The following PPP2R3B variants were observed in gnomAD, a reference collection of about 807,000 sequenced individuals.
PPP2R3B encodes the protein protein phosphatase 2 regulatory subunit B''beta, also known as serine/threonine-protein phosphatase 2A regulatory subunit B'' subunit beta.
A neutral mutation model predicts 72.9 loss-of-function variants in PPP2R3B; 68 were observed. The observed-to-expected ratio is 0.93, with a 90% CI of 0.77 to 1.14. PPP2R3B has a LOEUF of 1.14. Ranked by LOEUF, PPP2R3B falls within the 50% of genes most tolerant of loss-of-function variation. The pLI, the probability that PPP2R3B is intolerant of heterozygous loss-of-function variation, is 0.00. For synonymous variants in PPP2R3B, 466 were observed against 375.8 expected (o/e 1.24, Z -2.78); for missense variants, 1,018 against 842.0 (o/e 1.21, Z -2.59).
chrX:346,823 CG>C lies in PPP2R3B; in HGVS notation c.718-49del, dbSNP rs1569387468. The C allele has an allele frequency of 3.9e-6, 6 of 1,555,518 alleles. 1 individual carries two copies. The South Asian group carries it at 6.8e-5, about 18-fold the overall frequency. ...CGCGTGGTGTAGACGCCGGCCCTCCCGTGAGGTGTGCGGTGTGGACGCTGCA... is the reference window on the plus strand; with the variant it reads ...CGCGTGGTGTAGACGCCGGCCCTCCCTGAGGTGTGCGGTGTGGACGCTGCA... On this transcript the variant is annotated intron_variant, in intron 4 of 12. Transcript: ENST00000390665.
chrX:361,157 C>T (rs1382873871), intron 2 of PPP2R3B, among the ~76,000 whole-genome samples: 5 of 152,228 alleles, frequency 3.3e-5, no homozygotes, highest in African/African-American at 9.6e-5. Flanking sequence ...AGAATGCAGA[C>T]GGAATTCCCA....
chrX:371,146 G>A (rs1394971770), intron 1 of PPP2R3B, among the ~76,000 whole-genome samples: 4 of 152,070 alleles, frequency 2.6e-5, no homozygotes, highest in Non-Finnish European at 2.9e-5. Flanking sequence ...GGCAGGAGGC[G>A]CAGGCAGTGG....
chrX:370,507 C>T (rs943335951), intron 1 of PPP2R3B, among the ~76,000 whole-genome samples: 3 of 152,180 alleles, frequency 2.0e-5, no homozygotes, highest in African/African-American at 7.2e-5. Context: ...CGGTGGATGC[C>T]GCGCAACACA....
At chrX:386,179 G>A (rs1354275490) in intron 1 of PPP2R3B, among the ~76,000 whole-genome samples, 189 bp downstream of exon 1, 2 of 151,742 alleles carry the variant, frequency 1.3e-5, no homozygotes, top group Non-Finnish European at 2.9e-5. Context: ...TGTCAATGAC[G>A]GAATGTTCAG....
intron 6 of PPP2R3B, 119 bp from the exon 7 acceptor site, chrX:345,791 G>A: frequency 1.1e-5 from 5 of 450,568 alleles, no homozygotes; most frequent in South Asian, 1.8e-5. Flanking sequence ...GGGTGGGGGG[G>A]ACTGGGCAGC....
chrX:341,457 GGA>G, intron 8 of PPP2R3B, 61 bp from the exon 9 acceptor site: 2 of 1,567,840 alleles, frequency 1.3e-6, no homozygotes, highest in Non-Finnish European at 1.8e-6. Context: ...TCACAGGAAC[GGA>G]GCCCCTGTCC....
chrX:386,263 T>G, intron 1 of PPP2R3B, 105 bp downstream of exon 1: 5 of 963,284 alleles, frequency 5.2e-6, no homozygotes, highest in African/African-American at 1.7e-5. Context: ...TATGAAACCG[T>G]TTTGGGGTCT....
At chrX:376,337 C>T (rs1253251100) in intron 1 of PPP2R3B, among the ~76,000 whole-genome samples, 89 of 152,318 alleles carry the variant, frequency 5.8e-4, no homozygotes, top group African/African-American at 1.8e-3. Context: ...CCCTTGCGTC[C>T]TGTCCCGATG....
intron 1 of PPP2R3B, among the ~76,000 whole-genome samples, chrX:380,641 C>G (rs1333100247): frequency 2.0e-5 from 3 of 151,860 alleles, no homozygotes; most frequent in African/African-American, 7.3e-5. Flanking sequence ...CAAAACTAGC[C>G]GGGCGTGGTG....
chrX:378,260 T>A (rs56892247), intron 1 of PPP2R3B, among the ~76,000 whole-genome samples: 33,575 of 152,140 alleles, frequency 0.22, 4,164 homozygotes, highest in Non-Finnish European at 0.28. Context: ...AATCTTACCA[T>A]CAACCTCTAA....
At chrX:338,741 C>A (rs763717195) in intron 11 of PPP2R3B, 31 bp from the exon 12 acceptor site, 3 of 1,611,728 alleles carry the variant, frequency 1.9e-6, no homozygotes, top group Non-Finnish European at 2.5e-6. Context: ...ACGTACACGG[C>A]GTGGCGCGGC....
At position 334,611 on chromosome X, in the gene PPP2R3B, C is replaced by T. The variant is rs753881200; in HGVS notation, c.1578-94G>A. ...CACAGGCTGCTCGGCCGCCAACCTC[C>T]AGCACGAGACAGTCCCCTGAGCCGA... On this transcript the variant is annotated intron_variant, in intron 12 of 12. Coordinates refer to ENST00000390665, the MANE Select transcript of PPP2R3B (RefSeq NM_013239.5). The T allele has an allele frequency of 8.4e-6, 11 of 1,313,078 alleles. No individual in the cohort carries two copies. In the African/African-American group the frequency reaches 1.1e-4, roughly 13 times the overall value. The allele number at this position is 1,313,078 out of a possible 1,614,324, so 81.3% of individuals were successfully genotyped here. A position where few individuals can be genotyped will look rare whatever the true frequency, so the allele number is the denominator to read the frequency against.
At chrX:340,433 C>A in intron 10 of PPP2R3B, among the ~76,000 whole-genome samples, 1 of 151,264 alleles carries the variant, frequency 6.6e-6, no homozygotes, top group Non-Finnish European at 1.5e-5. Flanking sequence ...CAGGGACGTC[C>A]CCTCACCCTG....
In PPP2R3B at chrX:363,631, CACCATCCCACAGTCATCTCCCT is replaced by C. The variant is rs1569404207; in HGVS notation, c.325-2063_325-2042del. Among the ~76,000 whole-genome samples the C allele has an allele frequency of 1.0e-3, 99 of 96,324 alleles. 2 individuals carry two copies. The highest frequency in any genetic ancestry group is 1.9e-3 in the South Asian group (6 of 3,090). The allele number at this position is 96,324 out of a possible 152,430, so 63.2% of individuals were successfully genotyped here. A position where few individuals can be genotyped will look rare whatever the true frequency, so the allele number is the denominator to read the frequency against. ...ATCCCACAATGCATCTCCCCGAGCC[CACCATCCCACAGTCATCTCCCT>C]GTGCCCACCATCCCACAATGCATCT... On this transcript the variant is annotated intron_variant, in intron 1 of 12. Coordinates refer to ENST00000390665, the MANE Select transcript of PPP2R3B (RefSeq NM_013239.5).
intron 1 of PPP2R3B, among the ~76,000 whole-genome samples, chrX:366,941 T>A (rs1332881133): frequency 2.0e-5 from 3 of 151,596 alleles, no homozygotes; most frequent in African/African-American, 7.3e-5. Flanking sequence ...GGCAGGAGAA[T>A]CGCTTAAACC....
At chrX:347,504 C>A (rs1400604198) in intron 3 of PPP2R3B, 86 bp downstream of exon 3, 39 of 1,448,718 alleles carry the variant, frequency 2.7e-5, no homozygotes, top group Middle Eastern at 2.4e-4. Flanking sequence ...CTGCGGCAGC[C>A]TCAGGGGGCA....
intron 5 of PPP2R3B, 63 bp downstream of exon 5, chrX:346,638 C>A: frequency 1.4e-6 from 2 of 1,475,722 alleles, no homozygotes; most frequent in Admixed American, 1.9e-5. Flanking sequence ...AGCCCCGCGG[C>A]GGCCGCTGCA....
At chrX:380,938 CTTT>C (rs774073061) in intron 1 of PPP2R3B, among the ~76,000 whole-genome samples, 2 of 138,170 alleles carry the variant, frequency 1.4e-5, no homozygotes, top group Non-Finnish European at 3.1e-5. Context: ...CGTTTTCTTT[CTTT>C]TTTTTTTTTT....
rs745853326 is a variant in PPP2R3B at position 334,398 on chromosome X, G to A, written c.1697C>T (p.Ala566Val). 7.0e-6 allele frequency: 11 copies of A among 1,561,230 alleles called. No individual in the cohort carries two copies. The highest frequency in any genetic ancestry group is 5.6e-5 in the African/African-American group (4 of 71,654). Residue 566 changes from alanine to valine, a missense_variant, in exon 13 of 13, where the codon GCA becomes GTA. Coordinates refer to ENST00000390665, the MANE Select transcript of PPP2R3B (RefSeq NM_013239.5). The stretch of plus-strand genomic sequence containing the variant: ...CGGCTCCAGGTCCTCGTCCCCGCAT[G>A]CGTACTCGTACAGGTCCACGGCGCC... ...PLGAVDLYEY[A>V]CGDEDLEPL
Sources: allele counts gnomAD v4.1 joint callset (sites outside exome capture counted in the v4.1 genomes callset), GRCh38; gene constraint gnomAD v4.1.1; transcripts MANE v1.5; gene names NCBI Gene and HGNC (gene_info 2026-07-23, HGNC 2026-07-21).